The following RYR1 variants were observed in gnomAD, a reference collection of about 807,000 sequenced individuals.
RYR1 encodes the protein ryanodine receptor 1, also known as central core disease of muscle.
A neutral mutation model predicts 583.5 loss-of-function variants in RYR1; 342 were observed. That is an observed-to-expected ratio of 0.59 (90% CI 0.54 to 0.64). The LOEUF is 0.64. RYR1 is among the 30% of genes least tolerant of loss of function. The probability of loss-of-function intolerance (pLI) is 0.00; values close to 1 mark genes in which losing one functional copy is unlikely to be tolerated. For missense variants in RYR1, 6,032 were observed against 6,917.2 expected (o/e 0.87, Z 4.54); for synonymous variants, 2,791 against 2,822.5 (o/e 0.99, Z 0.35).
rs1489203819 is a variant in RYR1 at position 38,548,392 on chromosome 19, G to C, written c.12254G>C (p.Gly4085Ala). 1 of 1,613,980 alleles carries C rather than the reference G, an allele frequency of 6.2e-7. No individual in the cohort carries two copies. Among genetic ancestry groups the C allele is most frequent in the Non-Finnish European group, 8.5e-7 (1 of 1,179,944 alleles). ...CAGGACTACGTAACGGATCCCCGTG[G>C]CCTCATCTCCAAGAAGGACTTCCAG... is the stretch of plus-strand genomic sequence containing the variant. The part of the protein sequence containing the change: ...AFQDYVTDPR[G>A]LISKKDFQKA... The change falls in exon 89 of 106, where the codon GGC (glycine) becomes GCC (alanine). Residue 4085 changes from glycine (G) to alanine (A), a missense_variant. Gly to Ala is a moderately conservative substitution (Grantham distance 60). This residue lies in a region of RYR1 where 753 missense variants were observed against 759.6 expected (regional missense o/e 0.99). Coordinates refer to ENST00000359596, the MANE Select transcript of RYR1 (RefSeq NM_000540.3).
chr19:38,570,939 G>A (rs1286339563), intron 94 of RYR1, among the ~76,000 whole-genome samples: 1 of 152,218 alleles, frequency 6.6e-6, no homozygotes, highest in Admixed American at 6.5e-5. Context: ...AGGAGCAGGA[G>A]CTGAGTTCTC....
At chr19:38,506,776 A>T in intron 56 of RYR1, 53 bp from the exon 57 acceptor site, 1 of 1,613,334 alleles carries the variant, frequency 6.2e-7, no homozygotes, top group Non-Finnish European at 8.5e-7. Flanking sequence ...CACTTCAGTG[A>T]GAGTGGCCCG....
rs957121230 is a variant in RYR1 at position 38,453,137 on chromosome 19, G to A, written c.1440+123G>A. On this transcript the variant is annotated intron_variant, in intron 13 of 105. Coordinates refer to ENST00000359596, the MANE Select transcript of RYR1 (RefSeq NM_000540.3). Reference sequence around the variant, plus strand: ...ACCTGGGGAAGTAGGGTCTGAGAAGGGGGCGGGGCAGGAGAAGGAGCCGGA... The same window carrying A: ...ACCTGGGGAAGTAGGGTCTGAGAAGAGGGCGGGGCAGGAGAAGGAGCCGGA... The A allele has an allele frequency of 1.1e-4, 119 of 1,040,542 alleles. 1 individual carries two copies. The African/African-American group carries it at 1.3e-3, about 11-fold the overall frequency. The allele number at this position is 1,040,542 out of a possible 1,614,324, so 64.5% of individuals were successfully genotyped here.
intron 29 of RYR1, 45 bp from the exon 30 acceptor site, chr19:38,477,665 C>A: frequency 1.2e-6 from 2 of 1,613,742 alleles, no homozygotes; most frequent in Non-Finnish European, 8.5e-7. Context: ...AGCCCGAGTC[C>A]CTGACTTCCA....
chr19:38,494,343 C>T lies in RYR1; in HGVS notation c.6275-9C>T. On this transcript the variant is annotated splice_polypyrimidine_tract_variant and intron_variant, in intron 38 of 105. Transcript: ENST00000359596. Reference sequence around the variant, plus strand: ...TGGTGCTCCAAGCCTTGCATTGTCTCCTTCCCAGGGTCCCTGCAGGAGCTG... The same window carrying T: ...TGGTGCTCCAAGCCTTGCATTGTCTTCTTCCCAGGGTCCCTGCAGGAGCTG... 1 of 1,611,268 alleles carries T rather than the reference C, an allele frequency of 6.2e-7. No homozygotes were observed. The highest frequency in any genetic ancestry group is 1.3e-5 in the African/African-American group (1 of 74,984).
Position 38,467,786 on chromosome 19 carries a change from C to G in RYR1, c.3355C>G (p.Leu1119Val). The change falls in exon 25 of 106, where the codon CTG (leucine) becomes GTG (valine). Residue 1119 changes from leucine (L) to valine (V), a missense_variant. Physicochemically the swap from Leu to Val is conservative, Grantham distance 32. This residue lies in a region of RYR1 where 2,627 missense variants were observed against 2,961.3 expected (regional missense o/e 0.89). Transcript: ENST00000359596. The stretch of plus-strand genomic sequence containing the variant: ...TGATGTAGAGCTGGGAGCTGACGAG[C>G]TGGCCTATGTCTTCAATGGGCACCG... ...RPDVELGADE[L>V]AYVFNGHRGQ... The G allele has an allele frequency of 1.2e-6, 2 of 1,614,164 alleles. No individual in the cohort carries two copies. The highest frequency in any genetic ancestry group is 1.7e-6 in the Non-Finnish European group (2 of 1,180,048).
At chr19:38,434,948 G>C (rs2145294281) in intron 1 of RYR1, among the ~76,000 whole-genome samples, 1 of 152,300 alleles carries the variant, frequency 6.6e-6, no homozygotes, top group South Asian at 2.1e-4. Context: ...AACAGCTGGG[G>C]CTGGTAGTGA....
At chr19:38,484,234 T>C (rs1969161652) in intron 33 of RYR1, among the ~76,000 whole-genome samples, 1 of 151,920 alleles carries the variant, frequency 6.6e-6, no homozygotes, top group African/African-American at 2.4e-5. Flanking sequence ...GGAGGTTGCA[T>C]TGAGCTAGGA....
At chr19:38,558,837 T>A (rs1191823611) in intron 89 of RYR1, among the ~76,000 whole-genome samples, 1 of 151,078 alleles carries the variant, frequency 6.6e-6, no homozygotes, top group African/African-American at 2.4e-5. Context: ...ACACCTGTAA[T>A]CCTAGCACTT....
chr19:38,482,351 C>G (rs1306674232), intron 31 of RYR1, among the ~76,000 whole-genome samples: 1 of 152,082 alleles, frequency 6.6e-6, no homozygotes, highest in East Asian at 1.9e-4. Context: ...TTGGTGTGGG[C>G]GGGACTGCTT....
rs190666977 is a variant in RYR1 at position 38,516,323 on chromosome 19, C to T, written c.9685+106C>T. The T allele has an allele frequency of 2.3e-4, 322 of 1,373,230 alleles. 1 individual carries two copies. In the African/African-American group the frequency reaches 3.8e-3, roughly 16 times the overall value. The allele number at this position is 1,373,230 out of a possible 1,614,324, so 85.1% of individuals were successfully genotyped here. A position where few individuals can be genotyped will look rare whatever the true frequency, so the allele number is the denominator to read the frequency against. On this transcript the variant is annotated intron_variant, in intron 65 of 105. Transcript: ENST00000359596. ...TAGTGTGGCTGGGCTGGGCTGTGAG[C>T]GGCTGAGGATTCCCCAGGTTGGGAG...
Position 38,463,141 on chromosome 19 carries a change from G to GCCCCCCC in RYR1, c.2578-274_2578-268dup, listed in dbSNP as rs34883994. Among the ~76,000 whole-genome samples the GCCCCCCC allele has an allele frequency of 1.2e-4, 4 of 32,954 alleles. 2 individuals carry two copies. The highest frequency in any genetic ancestry group is 1.9e-4 in the Non-Finnish European group (4 of 21,374). The allele number at this position is 32,954 out of a possible 152,430, so 21.6% of individuals were successfully genotyped here. Reference sequence around the variant, plus strand: ...TTGAACTCCTGACCTCAGGCGATCTGCCCCCCCCCCCCCCACTTAGCCTCC... The same window carrying GCCCCCCC: ...TTGAACTCCTGACCTCAGGCGATCTGCCCCCCCCCCCCCCCCCCCCCACTTAGCCTCC... On this transcript the variant is annotated intron_variant, in intron 20 of 105. Transcript: ENST00000359596.
At position 38,578,208 on chromosome 19, in the gene RYR1, A is replaced by AGCAGGGGCCCACAGACTGGGGAGGGAC. The variant is rs2145889339; in HGVS notation, c.14364+5_14364+31dup. 6.2e-7 allele frequency: 1 copy of AGCAGGGGCCCACAGACTGGGGAGGGAC among 1,613,252 alleles called. No individual in the cohort carries two copies. The highest frequency in any genetic ancestry group is 8.5e-7 in the Non-Finnish European group (1 of 1,179,674). On this transcript the variant is annotated splice_donor_region_variant and intron_variant, in intron 99 of 105. Transcript: ENST00000359596. ...CGGGGTCATCTTCACAGACAACGTG[A>AGCAGGGGCCCACAGACTGGGGAGGGAC]GCAGGGGCCCACAGACTGGGGAGGG...
At position 38,516,234 on chromosome 19, in the gene RYR1, G is replaced by T; in HGVS notation, c.9685+17G>T. The T allele has an allele frequency of 6.3e-7, 1 of 1,582,448 alleles. No individual in the cohort carries two copies. Among genetic ancestry groups the T allele is most frequent in the Non-Finnish European group, 8.6e-7 (1 of 1,163,992 alleles). On this transcript the variant is annotated intron_variant, in intron 65 of 105. Coordinates refer to ENST00000359596, the MANE Select transcript of RYR1 (RefSeq NM_000540.3). The stretch of plus-strand genomic sequence containing the variant: ...AGCGGGCCAGTAAGCTGTGTGGGGC[G>T]GGAGCAGTGCTGGGAGTCCAAATCT...
chr19:38,448,071 G>T (rs943312422), intron 9 of RYR1, among the ~76,000 whole-genome samples: 6 of 151,910 alleles, frequency 3.9e-5, no homozygotes, highest in African/African-American at 1.5e-4. Context: ...AGGACTAGGG[G>T]TCCTAATTAA....
chr19:38,466,293 C>G lies in RYR1; in HGVS notation c.3073C>G (p.Leu1025Val). 1 of 1,612,110 alleles carries G rather than the reference C, an allele frequency of 6.2e-7. No homozygotes were observed. Among genetic ancestry groups the G allele is most frequent in the Non-Finnish European group, 8.5e-7 (1 of 1,179,564 alleles). The change falls in exon 24 of 106, where the codon CTG becomes GTG. Residue 1025 changes from leucine to valine, a missense_variant. Physicochemically the swap from Leu to Val is conservative, Grantham distance 32 (BLOSUM62 1). Transcript: ENST00000359596. ...RRNPRLVPYRLLDEATKRSNR... is the reference protein window; with the variant it reads ...RRNPRLVPYRVLDEATKRSNR... ...AAACCCTCGGCTGGTGCCCTACCGCCTGCTGGATGAAGCCACCAAGCGCAG... is the reference window on the plus strand; with the variant it reads ...AAACCCTCGGCTGGTGCCCTACCGCGTGCTGGATGAAGCCACCAAGCGCAG...
At chr19:38,489,474 T>C (rs1969455376) in intron 35 of RYR1, 31 bp downstream of exon 35, 1 of 1,613,518 alleles carries the variant, frequency 6.2e-7, no homozygotes. Flanking sequence ...TTTCGGCCTC[T>C]GTCCATCTGG....
At chr19:38,555,807 T>C (rs1601025620) in intron 89 of RYR1, among the ~76,000 whole-genome samples, 1 of 152,338 alleles carries the variant, frequency 6.6e-6, no homozygotes, top group Admixed American at 6.5e-5. Flanking sequence ...GGAGATCCAG[T>C]CCTGCAGATC....
At chr19:38,546,990 G>A (rs547833508) in intron 88 of RYR1, among the ~76,000 whole-genome samples, 2 of 149,944 alleles carry the variant, frequency 1.3e-5, no homozygotes, top group East Asian at 4.1e-4. Flanking sequence ...ATGTCCAAAT[G>A]TGGCAAAAGA....
Sources: gnomAD v4.1 joint callset for allele counts (sites outside exome capture counted in the v4.1 genomes callset) on GRCh38, gnomAD v4.1.1 for gene constraint, gnomAD v4.1.1 regional missense constraint, MANE v1.5 for transcripts, NCBI Gene and HGNC (gene_info 2026-07-23, HGNC 2026-07-21) for gene names.